Variants in IFT172 observed in about 807,000 individuals in gnomAD.
IFT172 encodes intraflagellar transport 172.
Under a neutral mutation model 248.9 loss-of-function variants are expected in IFT172, and 164 were observed. That is an observed-to-expected ratio of 0.66 (90% confidence interval 0.58 to 0.75). The LOEUF is 0.75. Ranked by LOEUF, IFT172 falls within the 30% of genes least tolerant of loss-of-function variation. The pLI, the probability that IFT172 is intolerant of heterozygous loss-of-function variation, is 0.00. For missense variants in IFT172, 1,950 were observed against 2,192.4 expected, an observed-to-expected ratio of 0.89 and a Z score of 2.21; for synonymous variants, 729 against 791.6, an observed-to-expected ratio of 0.92 and a Z score of 1.33.
In IFT172 at chr2:27,485,351, A is replaced by G; in HGVS notation, c.183+9T>C. On this transcript the variant is annotated intron_variant, in intron 2 of 47. Coordinates refer to ENST00000260570, the MANE Select transcript of IFT172 (RefSeq NM_015662.3). ...GGTTAAATAAGGTACACATGAATAC[A>G]CTGTTTACCTTCATGTCAGCTGGTT... 1.2e-6 allele frequency: 2 copies of G among 1,613,910 alleles called. No homozygotes were observed. Among genetic ancestry groups the G allele is most frequent in the Non-Finnish European group, 8.5e-7 (1 of 1,180,020 alleles).
intron 42 of IFT172, 150 bp from the exon 43 acceptor site, chr2:27,446,505 TTTTC>T (rs1203412539): frequency 1.4e-5 from 9 of 650,152 alleles, no homozygotes; most frequent in Non-Finnish European, 2.3e-5. Flanking sequence ...TTAGTTTTTT[TTTTC>T]TTTTTCTCTG....
intron 15 of IFT172, 90 bp downstream of exon 15, chr2:27,472,160 T>C: frequency 2.3e-6 from 2 of 867,796 alleles, no homozygotes; most frequent in Non-Finnish European, 4.0e-6. Context: ...GACAATGTGC[T>C]CCATCCTGCC....
intron 14 of IFT172, among the ~76,000 whole-genome samples, chr2:27,473,747 C>T (rs984754359): frequency 1.3e-5 from 2 of 151,998 alleles, no homozygotes; most frequent in Admixed American, 6.6e-5. Flanking sequence ...AGAAGGTCTA[C>T]GATTTTAGAT....
At chr2:27,474,034 CTGACCTCAGG>C (rs1252701745) in intron 14 of IFT172, among the ~76,000 whole-genome samples, 2 of 152,158 alleles carry the variant, frequency 1.3e-5, no homozygotes, top group Non-Finnish European at 2.9e-5. Flanking sequence ...TCTCGAACTC[CTGACCTCAGG>C]TGATCCGCCC....
intron 16 of IFT172, among the ~76,000 whole-genome samples, chr2:27,470,531 T>C (rs1194603502): frequency 1.3e-5 from 2 of 152,140 alleles, no homozygotes; most frequent in Non-Finnish European, 2.9e-5. Context: ...TGGGTATGTA[T>C]GATGTTGTGG....
At chr2:27,455,112 T>C (rs1325788213) in intron 30 of IFT172, 1 of 272,774 alleles carries the variant, frequency 3.7e-6, no homozygotes, top group African/African-American at 2.3e-5. Context: ...TAACAGTAGC[T>C]TGAGAACACT....
rs746340772 is a variant in IFT172 at position 27,447,610 on chromosome 2, C to T, written c.4564G>A (p.Glu1522Lys). 1.2e-4 allele frequency: 187 copies of T among 1,614,146 alleles called. No individual in the cohort carries two copies. The highest frequency in any genetic ancestry group is 3.3e-4 in the Middle Eastern group (2 of 6,054). The change falls in exon 42 of 48, where the codon GAG becomes AAG. Residue 1522 changes from glutamate to lysine, a missense_variant. Glu to Lys is a moderately conservative substitution (Grantham distance 56, BLOSUM62 1). Around this residue, in one of 3 missense-constraint regions of IFT172, gnomAD observed 620 missense variants for 699.0 expected, o/e 0.89. Coordinates refer to ENST00000260570, the MANE Select transcript of IFT172 (RefSeq NM_015662.3). ...NLCENLVKSS[E>K]ANSPAHEEFK... ...TCCTCATGGGCTGGAGAGTTTGCCT[C>T]ACTGGACTTCACCAGGTTTTCACAC...
At chr2:27,459,688 T>C (rs1321709629) in intron 24 of IFT172, 21 bp downstream of exon 24, 4 of 1,611,218 alleles carry the variant, frequency 2.5e-6, no homozygotes, top group Non-Finnish European at 2.5e-6. Context: ...AAATCTCCTT[T>C]ACATTCCCAT....
chr2:27,459,974 A>G (rs1666521206), intron 23 of IFT172, 145 bp from the exon 24 acceptor site: 1 of 1,045,062 alleles, frequency 9.6e-7, no homozygotes, highest in Admixed American at 2.3e-5. Flanking sequence ...ACACGCACCA[A>G]GAGGTGTGGG....
intron 22 of IFT172, 36 bp downstream of exon 22, chr2:27,461,233 C>T: frequency 6.2e-7 from 1 of 1,612,972 alleles, no homozygotes; most frequent in Non-Finnish European, 8.5e-7. Context: ...GTCCTGAGCT[C>T]TGGAGATAAG....
At chr2:27,481,454 TACACACACAC>T (rs764036982) in intron 7 of IFT172, among the ~76,000 whole-genome samples, 194 bp from the exon 8 acceptor site, 5 of 135,586 alleles carry the variant, frequency 3.7e-5, no homozygotes, top group African/African-American at 5.5e-5. Context: ...CACACACACA[TACACACACAC>T]ACACACCCCT....
intron 18 of IFT172, among the ~76,000 whole-genome samples, chr2:27,464,032 C>T (rs1344834590): frequency 6.6e-6 from 1 of 152,190 alleles, no homozygotes; most frequent in Non-Finnish European, 1.5e-5. Context: ...ACCTCAGCTG[C>T]TCTGGGATGA....
At position 27,454,578 on chromosome 2, in the gene IFT172, G is replaced by A; in HGVS notation, c.3454C>T (p.Leu1152=). The change falls in exon 31 of 48, where the codon CTG becomes TTG. Residue 1152 remains leucine, a synonymous_variant. Transcript: ENST00000260570. This position sits in a 1 kb window ranked among gnomAD's most constrained non-coding sequence, Gnocchi z 4.2. ...PEVHLKYAMF[L]EDEGKFEEAE... The stretch of plus-strand genomic sequence containing the variant: ...AATCACACCCATACCTCATCCTCCA[G>A]GAACATAGCATATTTGAGATGAACC... The A allele has an allele frequency of 1.2e-6, 2 of 1,614,054 alleles. No homozygotes were observed. The highest frequency in any genetic ancestry group is 1.7e-6 in the Non-Finnish European group (2 of 1,179,998).
Position 27,481,192 on chromosome 2 carries a change from T to C in IFT172, c.639A>G (p.Ala213=). The C allele has an allele frequency of 6.2e-7, 1 of 1,613,122 alleles. No homozygotes were observed. The highest frequency in any genetic ancestry group is 8.5e-7 in the Non-Finnish European group (1 of 1,180,004). Residue 213 remains alanine (A), a synonymous_variant, in exon 8 of 48, where the codon GCA becomes GCG. Transcript: ENST00000260570. The part of the protein sequence containing the change: ...LAWATNSIVA[A]GCDRKIVAYG... ...AGGCTACAATTTTCCGATCACAGCC[T>C]GCAGCCACGATGCTATTGGTTGCCC...
At chr2:27,479,232 C>T (rs1668175193) in intron 10 of IFT172, among the ~76,000 whole-genome samples, 1 of 152,126 alleles carries the variant, frequency 6.6e-6, no homozygotes, top group Non-Finnish European at 1.5e-5. Flanking sequence ...GTCTCAATCT[C>T]CTGACCTTGT....
chr2:27,475,323 T>C (rs1667884897), intron 14 of IFT172, among the ~76,000 whole-genome samples: 1 of 152,210 alleles, frequency 6.6e-6, no homozygotes, highest in East Asian at 1.9e-4. Flanking sequence ...GCAGTTCCAT[T>C]CTAGGCATGG....
intron 20 of IFT172, 33 bp from the exon 21 acceptor site, chr2:27,461,869 C>A (rs1666704888): frequency 1.2e-6 from 2 of 1,611,896 alleles, no homozygotes; most frequent in African/African-American, 1.3e-5. Flanking sequence ...AGAGGGACAC[C>A]AGAAAGATAT....
chr2:27,472,163 A>T, intron 15 of IFT172, 87 bp downstream of exon 15: 1 of 895,532 alleles, frequency 1.1e-6, no homozygotes, highest in African/African-American at 1.6e-5. Flanking sequence ...AATGTGCTCC[A>T]TCCTGCCTCC....
At chr2:27,458,490 C>T (rs1302852037) in intron 26 of IFT172, among the ~76,000 whole-genome samples, 4 of 152,116 alleles carry the variant, frequency 2.6e-5, no homozygotes, top group Non-Finnish European at 5.9e-5. Flanking sequence ...GAAGTGTAGG[C>T]GCAAGAACAA....
Sources: allele counts gnomAD v4.1 joint callset (sites outside exome capture counted in the v4.1 genomes callset), GRCh38; gene constraint gnomAD v4.1.1; regional missense constraint gnomAD v4.1.1; non-coding constraint Gnocchi (gnomAD v3.1); transcripts MANE v1.5; gene names NCBI Gene and HGNC (gene_info 2026-07-23, HGNC 2026-07-21).